The following INSL6 variants were observed in gnomAD, a reference collection of about 807,000 sequenced individuals.
INSL6 encodes insulin-like peptide INSL6.
INSL6 carries 16 observed loss-of-function variants against 9.4 expected under a neutral mutation model. The ratio of observed to expected loss-of-function variants is 1.70; its 90% CI spans 1.15 to 2.59. The LOEUF (loss-of-function observed/expected upper bound fraction) is 2.59. Ranked by LOEUF, INSL6 falls within the 30% of genes most tolerant of loss-of-function variation. INSL6 has a pLI of 0.00. For synonymous variants in INSL6, 154 were observed against 96.9 expected, an observed-to-expected ratio of 1.59 and a Z score of -3.46; for missense variants, 391 against 257.3, an observed-to-expected ratio of 1.52 and a Z score of -3.56.
chr9:5,080,680 C>A, the INSL6 span: 15 of 1,567,122 alleles, frequency 9.6e-6, no homozygotes, highest in Admixed American at 2.0e-5. Context: ...TTTGTTTACT[C>A]CAGGTATGTA....
the INSL6 span, chr9:5,041,359 C>G: frequency 1.6e-6 from 1 of 629,110 alleles, no homozygotes; most frequent in Non-Finnish European, 2.9e-6. Context: ...GCTACATGAG[C>G]ATCAACATGC....
chr9:5,159,422 A>G (rs1824878310), downstream of INSL6, among the ~76,000 whole-genome samples: 1 of 152,108 alleles, frequency 6.6e-6, no homozygotes, highest in Non-Finnish European at 1.5e-5. Context: ...CTTCATGTAT[A>G]CAGACATACA....
chr9:5,121,651 A>T (rs1472504605), downstream of INSL6, among the ~76,000 whole-genome samples: 1 of 152,178 alleles, frequency 6.6e-6, no homozygotes, highest in East Asian at 1.9e-4. Flanking sequence ...TTGAAGCAAG[A>T]GATTTTTAAA....
the INSL6 span, among the ~76,000 whole-genome samples, chr9:4,992,355 A>C: frequency 2.0e-5 from 3 of 152,218 alleles, no homozygotes; most frequent in Non-Finnish European, 2.9e-5. Context: ...GTAGCTGCAC[A>C]GTATAACTTC....
the INSL6 span, among the ~76,000 whole-genome samples, chr9:4,998,753 C>T: frequency 6.7e-6 from 1 of 149,432 alleles, no homozygotes. Context: ...AAAAAAAAAA[C>T]AACAAAAAAC....
chr9:5,077,687 T>A, the INSL6 span: 2 of 637,516 alleles, frequency 3.1e-6, no homozygotes, highest in Non-Finnish European at 4.9e-6. Flanking sequence ...TGGATGCCAA[T>A]TCATGTAAAA....
chr9:5,154,100 G>C lies in INSL6; in HGVS notation c.376+10079C>G, dbSNP rs568643260. Among the ~76,000 whole-genome samples, 31 of 152,226 alleles carry C rather than the reference G, an allele frequency of 2.0e-4. No homozygotes were observed. The South Asian group carries it at 5.6e-3, about 28-fold the overall frequency. On this transcript the variant is annotated intron_variant, in intron 2 of 3. Coordinates refer to the INSL6 transcript ENST00000649639. ...CTACAAAGCTACAGTAACAGAAACA[G>C]CATGGTAGTGGTACCAAAACAGAGA...
intron 1 of INSL6, among the ~76,000 whole-genome samples, chr9:5,172,142 T>TA: frequency 6.6e-6 from 1 of 152,264 alleles, no homozygotes; most frequent in East Asian, 1.9e-4. Context: ...AACAGACACC[T>TA]AAACCAATAG....
chr9:5,006,870 CT>C, the INSL6 span, among the ~76,000 whole-genome samples: 1 of 152,066 alleles, frequency 6.6e-6, no homozygotes, highest in African/African-American at 2.4e-5. Context: ...TCTTCTTGTG[CT>C]AGTTTAGGTA....
At chr9:5,033,248 A>G in the INSL6 span, among the ~76,000 whole-genome samples, 1 of 152,230 alleles carries the variant, frequency 6.6e-6, no homozygotes, top group Non-Finnish European at 1.5e-5. Context: ...GGACTATGTG[A>G]AAAGACCAAA....
intron 1 of INSL6, among the ~76,000 whole-genome samples, chr9:5,175,697 G>C (rs113839743): frequency 0.079 from 12,062 of 152,114 alleles, 1,611 homozygotes; most frequent in African/African-American, 0.28. Context: ...GACAGCATTA[G>C]ATTCTTATAG....
chr9:5,013,408 C>A, the INSL6 span, among the ~76,000 whole-genome samples: 1 of 152,150 alleles, frequency 6.6e-6, no homozygotes. Context: ...CAATAGAATG[C>A]AAAATCACAT....
intron 1 of INSL6, among the ~76,000 whole-genome samples, chr9:5,165,240 A>G (rs934646483): frequency 6.6e-6 from 1 of 152,224 alleles, no homozygotes; most frequent in African/African-American, 2.4e-5. Flanking sequence ...TAGTGCTGCT[A>G]TGAGCATTCA....
the INSL6 span, chr9:5,073,572 G>A: frequency 1.4e-6 from 1 of 727,760 alleles, no homozygotes; most frequent in Admixed American, 2.2e-5. Flanking sequence ...AAAGCACATT[G>A]TATCCTCATC....
intron 1 of INSL6, among the ~76,000 whole-genome samples, chr9:5,168,341 G>A (rs1198732726): frequency 6.6e-6 from 1 of 152,152 alleles, no homozygotes; most frequent in Non-Finnish European, 1.5e-5. Context: ...AAACATTACA[G>A]GAGCTGTTAA....
the INSL6 span, among the ~76,000 whole-genome samples, chr9:5,037,699 C>A: frequency 2.0e-5 from 3 of 151,982 alleles, no homozygotes; most frequent in Non-Finnish European, 4.4e-5. Context: ...CATACCGGGG[C>A]CTGTTCTGGG....
At chr9:5,021,595 T>C in the INSL6 span, among the ~76,000 whole-genome samples, 10 of 152,312 alleles carry the variant, frequency 6.6e-5, no homozygotes, top group African/African-American at 2.4e-4. Context: ...AAGGGTGCCT[T>C]ATCAATATTA....
the INSL6 span, chr9:5,041,009 C>T: frequency 1.8e-5 from 12 of 657,256 alleles, no homozygotes; most frequent in South Asian, 1.6e-4. Flanking sequence ...TTCCGGACCC[C>T]GCAGCTGCAC....
chr9:5,057,199 T>A, the INSL6 span, among the ~76,000 whole-genome samples: 1 of 151,706 alleles, frequency 6.6e-6, no homozygotes, highest in Non-Finnish European at 1.5e-5. Context: ...CATGATATGT[T>A]ATGCTTTTTC....
Sources: gnomAD v4.1 joint callset for allele counts (sites outside exome capture counted in the v4.1 genomes callset) on GRCh38, gnomAD v4.1.1 for gene constraint, MANE v1.5 for transcripts, NCBI Gene and HGNC (gene_info 2026-07-23, HGNC 2026-07-21) for gene names.